Variants in ZNF316 observed in about 807,000 individuals in gnomAD.
ZNF316 encodes zinc finger protein 316.
In ZNF316, 23 loss-of-function variants were observed where a neutral mutation model predicts 75.6. That is an observed-to-expected ratio of 0.30 (90% CI 0.22 to 0.43). ZNF316 has a LOEUF of 0.43. ZNF316 is among the 20% of genes least tolerant of loss of function. The pLI is 1.00. For synonymous variants in ZNF316, 827 were observed against 666.2 expected (o/e 1.24, Z -3.72); for missense variants, 1,266 against 1,409.4 (o/e 0.90, Z 1.63).
intron 7 of ZNF316, 94 bp from the exon 8 acceptor site, chr7:6,644,386 G>A (rs1423678401): frequency 2.9e-5 from 17 of 584,826 alleles, no homozygotes; most frequent in Admixed American, 1.3e-4. Context: ...GGAAGATGGA[G>A]GTGGAGGGGC....
chr7:6,651,137 G>C (rs571780639), intron 8 of ZNF316, among the ~76,000 whole-genome samples: 2 of 152,178 alleles, frequency 1.3e-5, no homozygotes, highest in South Asian at 4.1e-4. Flanking sequence ...ACCACCTGAG[G>C]TCAGGAGTTT....
intron 7 of ZNF316, 62 bp downstream of exon 7, chr7:6,644,010 C>T (rs544064990): frequency 1.6e-6 from 2 of 1,229,310 alleles, no homozygotes; most frequent in East Asian, 3.2e-5. Context: ...AGGGTCTTAG[C>T]TGTCTGACGG....
chr7:6,643,110 G>A (rs1779340736), intron 6 of ZNF316, 37 bp downstream of exon 6: 1 of 1,232,660 alleles, frequency 8.1e-7, no homozygotes, highest in African/African-American at 1.6e-5. Context: ...TGGGTAACCT[G>A]GGCAGGGTTT....
chr7:6,653,323 G>T lies in ZNF316; in HGVS notation c.1727G>T (p.Arg576Leu). The T allele has an allele frequency of 1.6e-6, 2 of 1,226,336 alleles. No homozygotes were observed. Among genetic ancestry groups the T allele is most frequent in the Non-Finnish European group, 1.0e-6 (1 of 985,120 alleles). The allele number at this position is 1,226,336 out of a possible 1,614,324, so 76.0% of individuals were successfully genotyped here. Residue 576 changes from arginine (R) to leucine (L), a missense_variant, in exon 9 of 9, where the codon CGG becomes CTG. Arg to Leu is a moderately radical substitution (Grantham distance 102, BLOSUM62 -2). Transcript: ENST00000382252. ...PSGKVDPAPE[R>L]RFLELGNGLG... ...GGCAAGGTGGACCCCGCGCCGGAAC[G>T]GCGCTTCCTGGAGCTGGGCAACGGC...
At chr7:6,650,722 G>A (rs1430154303) in intron 8 of ZNF316, among the ~76,000 whole-genome samples, 2 of 152,200 alleles carry the variant, frequency 1.3e-5, no homozygotes, top group African/African-American at 4.8e-5. Flanking sequence ...GTGAGGAGGA[G>A]ATTTCCACAC....
Position 6,654,735 on chromosome 7 carries a change from C to A in ZNF316, c.*124C>A, listed in dbSNP as rs1583448536. 2 of 866,698 alleles carry A rather than the reference C, an allele frequency of 2.3e-6. No individual in the cohort carries two copies. The highest frequency in any genetic ancestry group is 5.8e-5 in the South Asian group (1 of 17,120). 53.7% of individuals were successfully genotyped at this position (866,698 alleles called of 1,614,324 possible). ...CAGTCCTGGGTGCGGTGCCTTCCCT[C>A]AGCCCTCGCCCTGCGGCCCCGGGTC... On this transcript the variant is annotated 3_prime_UTR_variant, in exon 9 of 9. Transcript: ENST00000382252.
At position 6,654,698 on chromosome 7, in the gene ZNF316, G is replaced by A. The variant is rs1057005107; in HGVS notation, c.*87G>A. 4.6e-6 allele frequency: 5 copies of A among 1,088,772 alleles called. No homozygotes were observed. The highest frequency in any genetic ancestry group is 3.4e-6 in the Non-Finnish European group (3 of 885,960). 67.4% of individuals were successfully genotyped at this position (1,088,772 alleles called of 1,614,324 possible). A position where few individuals can be genotyped will look rare whatever the true frequency, so the allele number is the denominator to read the frequency against. On this transcript the variant is annotated 3_prime_UTR_variant, in exon 9 of 9. Transcript: ENST00000382252. ...GCCCCCCGCTCCTCGGGCCCCGGGAGGCTGAGGGTCCCAGTCCTGGGTGCG... is the reference window on the plus strand; with the variant it reads ...GCCCCCCGCTCCTCGGGCCCCGGGAAGCTGAGGGTCCCAGTCCTGGGTGCG...
intron 2 of ZNF316, among the ~76,000 whole-genome samples, chr7:6,638,351 G>A (rs1162713433): frequency 6.6e-6 from 1 of 152,170 alleles, no homozygotes; most frequent in African/African-American, 2.4e-5. Context: ...GGTGGTCGGG[G>A]AAGGAAGTCC....
chr7:6,647,894 T>C (rs766046786), intron 8 of ZNF316, among the ~76,000 whole-genome samples: 13 of 152,108 alleles, frequency 8.5e-5, no homozygotes, highest in Non-Finnish European at 1.8e-4. Context: ...GCCACTGTCT[T>C]CCCCACAGCC....
At chr7:6,641,113 A>G (rs942510583) in intron 3 of ZNF316, among the ~76,000 whole-genome samples, 13 of 152,328 alleles carry the variant, frequency 8.5e-5, no homozygotes, top group African/African-American at 3.1e-4. Context: ...CTGTGTCCGT[A>G]AGAACACCAG....
chr7:6,653,855 C>T lies in ZNF316; in HGVS notation c.2259C>T (p.Gly753=), dbSNP rs1333925623. The T allele has an allele frequency of 3.4e-5, 37 of 1,081,510 alleles. No homozygotes were observed. The highest frequency in any genetic ancestry group is 4.3e-5 in the South Asian group (1 of 23,018). The allele number at this position is 1,081,510 out of a possible 1,614,324, so 67.0% of individuals were successfully genotyped here. ...GERPFPCPEC[G]ARFARGSHLA... ...GGCCCTTCCCGTGCCCCGAGTGCGG[C>T]GCGCGGTTCGCCCGCGGCTCGCACT... Residue 753 remains glycine, a synonymous_variant, in exon 9 of 9, where the codon GGC becomes GGT. Coordinates refer to ENST00000382252, the MANE Select transcript of ZNF316 (RefSeq NM_001278559.2).
chr7:6,644,373 C>T, intron 7 of ZNF316, 107 bp from the exon 8 acceptor site: 1 of 526,906 alleles, frequency 1.9e-6, no homozygotes, highest in Non-Finnish European at 2.9e-6. Context: ...AGGGCTGGTG[C>T]TGGGAAGATG....
intron 8 of ZNF316, among the ~76,000 whole-genome samples, chr7:6,645,808 A>G (rs1301022276): frequency 6.6e-6 from 1 of 151,136 alleles, no homozygotes; most frequent in African/African-American, 2.4e-5. Context: ...AGTCTAGGCA[A>G]TATGGTGAAA....
rs1314355881 is a variant in ZNF316 at position 6,637,675 on chromosome 7, C to G, written c.-430-171C>G. 2.0e-5 allele frequency among the ~76,000 whole-genome samples: 3 copies of G among 151,190 alleles called. No individual in the cohort carries two copies. The highest frequency in any genetic ancestry group is 4.4e-5 in the Non-Finnish European group (3 of 67,762). On this transcript the variant is annotated intron_variant, in intron 1 of 8. Coordinates refer to ENST00000382252, the MANE Select transcript of ZNF316 (RefSeq NM_001278559.2). The surrounding 1 kb of genome is among the most constrained non-coding windows in gnomAD (Gnocchi z 6.2). ...CCTCCCGGACCCCCGTCCGGGCCTG[C>G]GCGTTGCCGACCCCCGGGGCCGGTC...
At chr7:6,645,681 C>T (rs1249563062) in intron 8 of ZNF316, among the ~76,000 whole-genome samples, 1 of 147,664 alleles carries the variant, frequency 6.8e-6, no homozygotes, top group Non-Finnish European at 1.5e-5. Context: ...GGGCCTCTGT[C>T]TCAAAAATTA....
chr7:6,642,627 C>T lies in ZNF316; in HGVS notation c.218C>T (p.Ala73Val). ...CAGGATGCGCAGGTGGAGGCGGTGG[C>T]CGAGGTGGAGGTGGAGGCGGACGTG... ...VVQDAQVEAV[A>V]EVEVEADVEE... Residue 73 changes from alanine to valine, a missense_variant, in exon 5 of 9, where the codon GCC (alanine) becomes GTC (valine). Physicochemically the swap from Ala to Val is moderately conservative, Grantham distance 64. Around this residue, in one of 3 missense-constraint regions of ZNF316, gnomAD observed 961 missense variants for 990.9 expected, o/e 0.97. Transcript: ENST00000382252. This position sits in a 1 kb window ranked among gnomAD's most constrained non-coding sequence, Gnocchi z 8.1. 1 of 1,232,028 alleles carries T rather than the reference C, an allele frequency of 8.1e-7. No individual in the cohort carries two copies. The highest frequency in any genetic ancestry group is 1.0e-6 in the Non-Finnish European group (1 of 987,664). The allele number at this position is 1,232,028 out of a possible 1,614,324, so 76.3% of individuals were successfully genotyped here.
chr7:6,652,379 G>C lies in ZNF316; in HGVS notation c.783G>C (p.Glu261Asp). ...DDEDFLAEVA[E>D]EENEPPGLWS... ...AGGACTTCCTGGCGGAGGTGGCCGA[G>C]GAGGAGAACGAGCCCCCAGGGCTCT... The change falls in exon 9 of 9, where the codon GAG becomes GAC. Residue 261 changes from glutamate to aspartate, a missense_variant. Physicochemically the swap from Glu to Asp is conservative, Grantham distance 45. Transcript: ENST00000382252. The C allele has an allele frequency of 8.1e-7, 1 of 1,232,356 alleles. No individual in the cohort carries two copies. The highest frequency in any genetic ancestry group is 1.0e-6 in the Non-Finnish European group (1 of 988,100). The allele number at this position is 1,232,356 out of a possible 1,614,324, so 76.3% of individuals were successfully genotyped here.
rs1016537428 is a variant in ZNF316 at position 6,653,854 on chromosome 7, G to A, written c.2258G>A (p.Gly753Asp). 1.8e-5 allele frequency: 20 copies of A among 1,082,164 alleles called. No homozygotes were observed. The highest frequency in any genetic ancestry group is 2.2e-5 in the Non-Finnish European group (20 of 891,268). 67.0% of individuals were successfully genotyped at this position (1,082,164 alleles called of 1,614,324 possible). A position where few individuals can be genotyped will look rare whatever the true frequency, so the allele number is the denominator to read the frequency against. Residue 753 changes from glycine (G) to aspartate (D), a missense_variant, in exon 9 of 9, where the codon GGC becomes GAC. Physicochemically the swap from Gly to Asp is moderately conservative, Grantham distance 94 (BLOSUM62 -1). Around this residue, in one of 3 missense-constraint regions of ZNF316, gnomAD observed 194 missense variants for 319.2 expected, o/e 0.61. Coordinates refer to ENST00000382252, the MANE Select transcript of ZNF316 (RefSeq NM_001278559.2). ...GERPFPCPEC[G>D]ARFARGSHLA... ...CGGCCCTTCCCGTGCCCCGAGTGCG[G>A]CGCGCGGTTCGCCCGCGGCTCGCAC...
In ZNF316 at chr7:6,643,061, G is replaced by A. The variant is rs79844388; in HGVS notation, c.453G>A (p.Thr151=). Residue 151 remains threonine, a synonymous_variant, in exon 6 of 9, where the codon ACG becomes ACA. Transcript: ENST00000382252. ...EEDEDEDDLL[T]AGCQELVTFE... is the part of the protein sequence containing the mutation. ...ATGAGGACGAGGATGATTTGCTGACGGCTGGGTGTCAGGTGAGCCGCCCTC... is the reference window on the plus strand; with the variant it reads ...ATGAGGACGAGGATGATTTGCTGACAGCTGGGTGTCAGGTGAGCCGCCCTC... 2.5e-4 allele frequency: 303 copies of A among 1,236,310 alleles called. No individual in the cohort carries two copies. The African/African-American group carries it at 4.4e-3, about 18-fold the overall frequency. The allele number at this position is 1,236,310 out of a possible 1,614,324, so 76.6% of individuals were successfully genotyped here.
Sources: gnomAD v4.1 joint callset for allele counts (sites outside exome capture counted in the v4.1 genomes callset) on GRCh38, gnomAD v4.1.1 for gene constraint, gnomAD v4.1.1 regional missense constraint, Gnocchi (gnomAD v3.1) non-coding constraint, MANE v1.5 for transcripts, NCBI Gene and HGNC (gene_info 2026-07-23, HGNC 2026-07-21) for gene names.